The following CMC2 variants were observed in gnomAD, a reference collection of about 807,000 sequenced individuals.
CMC2 encodes C-X9-C motif containing 2.
A neutral mutation model predicts 7.5 loss-of-function variants in CMC2; 5 were observed. The observed-to-expected ratio is 0.66, with a 90% CI of 0.35 to 1.40. CMC2 has a LOEUF of 1.40. CMC2 is among the 40% of genes most tolerant of loss of function. CMC2 has a pLI of 0.04. For missense variants in CMC2, 115 were observed against 92.3 expected (o/e 1.25, Z -1.01); for synonymous variants, 37 against 31.4 (o/e 1.18, Z -0.60).
At chr16:80,980,917 T>C (rs1299168490) in intron 3 of CMC2, 2 of 687,090 alleles carry the variant, frequency 2.9e-6, no homozygotes, top group African/African-American at 3.5e-5. Flanking sequence ...AAACAAACTA[T>C]TACTCTTCAC....
At chr16:80,978,783 C>T (rs1053215037) in intron 3 of CMC2, among the ~76,000 whole-genome samples, 11 of 151,978 alleles carry the variant, frequency 7.2e-5, no homozygotes, top group Admixed American at 2.0e-4. Flanking sequence ...CCTTTTTCTA[C>T]TTAAAAGCTT....
At chr16:80,978,410 T>C (rs940960223) in intron 3 of CMC2, 7 of 1,258,884 alleles carry the variant, frequency 5.6e-6, no homozygotes, top group Non-Finnish European at 7.3e-6. Flanking sequence ...GAAGTCCAGA[T>C]GGTCCCTGAA....
chr16:81,005,149 C>G (rs954629593), intron 1 of CMC2, among the ~76,000 whole-genome samples: 8 of 152,358 alleles, frequency 5.3e-5, no homozygotes, highest in African/African-American at 1.9e-4. Flanking sequence ...TCTTTTTAGG[C>G]TAGGCGCGGT....
chr16:80,997,256 T>A, intron 2 of CMC2, 58 bp downstream of exon 2: 1 of 927,600 alleles, frequency 1.1e-6, no homozygotes. Context: ...ACATTTTACA[T>A]CAGTGGGTTA....
intron 3 of CMC2, chr16:80,980,918 T>G (rs58231940): frequency 0.014 from 9,738 of 685,248 alleles, 473 homozygotes; most frequent in African/African-American, 0.12. Flanking sequence ...AACAAACTAT[T>G]ACTCTTCACT....
At chr16:80,993,279 G>A (rs1394471600) in intron 2 of CMC2, among the ~76,000 whole-genome samples, 1 of 152,148 alleles carries the variant, frequency 6.6e-6, no homozygotes, top group Non-Finnish European at 1.5e-5. Flanking sequence ...ACAAAACAAA[G>A]TGAACCCTAC....
rs1440061917 is a variant in CMC2 at position 80,973,137 on chromosome 16, G to C, written c.*2956C>G. On this transcript the variant is annotated 3_prime_UTR_variant, in exon 4 of 4. Transcript: ENST00000219400. ...TGATGAGATGTAAAGCATGGAATAA[G>C]ATGCAGCCACCCCTGGGACTGGCTT... is the stretch of plus-strand genomic sequence containing the variant. 6.6e-6 allele frequency: 1 copy of C among 152,334 alleles called. No homozygotes were observed. Among genetic ancestry groups the C allele is most frequent in the African/African-American group, 2.4e-5 (1 of 41,476 alleles). 9.4% of individuals were successfully genotyped at this position (152,334 alleles called of 1,614,324 possible).
intron 3 of CMC2, among the ~76,000 whole-genome samples, chr16:80,977,617 T>C (rs1360081813): frequency 2.0e-5 from 3 of 152,218 alleles, no homozygotes; most frequent in Non-Finnish European, 4.4e-5. Flanking sequence ...AGGGGATTCA[T>C]GACTTTGAGT....
chr16:80,990,843 G>C (rs768327755), intron 2 of CMC2, among the ~76,000 whole-genome samples: 3 of 151,942 alleles, frequency 2.0e-5, no homozygotes, highest in Non-Finnish European at 4.4e-5. Context: ...CTCAACCTCA[G>C]CCTCCTGAGG....
intron 1 of CMC2, among the ~76,000 whole-genome samples, chr16:81,005,077 A>T (rs1213820593): frequency 1.3e-5 from 2 of 152,264 alleles, no homozygotes; most frequent in Non-Finnish European, 2.9e-5. Context: ...TCTGTTGTGC[A>T]GAGTCTGAAG....
intron 3 of CMC2, among the ~76,000 whole-genome samples, chr16:80,979,040 C>T (rs1966894693): frequency 6.6e-6 from 1 of 151,470 alleles, no homozygotes; most frequent in East Asian, 1.9e-4. Context: ...GAGATTGCGC[C>T]ACTGCACTCC....
Position 80,997,297 on chromosome 16 carries a change from T to G in CMC2, c.81+17A>C, listed in dbSNP as rs561463058. The G allele has an allele frequency of 1.6e-5, 22 of 1,393,416 alleles. No homozygotes were observed. In the Admixed American group the frequency reaches 2.0e-4, roughly 13 times the overall value. 86.3% of individuals were successfully genotyped at this position (1,393,416 alleles called of 1,614,324 possible). A position where few individuals can be genotyped will look rare whatever the true frequency, so the allele number is the denominator to read the frequency against. ...AAGTTTCATTTTGGCTGTACAGTCG[T>G]TTTTCTGAACTCTTACATTTTTGTG... On this transcript the variant is annotated intron_variant, in intron 2 of 3. Coordinates refer to ENST00000219400, the MANE Select transcript of CMC2 (RefSeq NM_020188.5).
intron 3 of CMC2, among the ~76,000 whole-genome samples, chr16:80,980,006 A>C (rs1277803812): frequency 6.2e-5 from 9 of 145,838 alleles, no homozygotes; most frequent in Admixed American, 6.1e-4. Flanking sequence ...GCAGCCATGA[A>C]CTCCTGGGCT....
At chr16:81,005,615 A>T (rs1379777182) in intron 1 of CMC2, among the ~76,000 whole-genome samples, 3 of 152,086 alleles carry the variant, frequency 2.0e-5, no homozygotes, top group Non-Finnish European at 1.5e-5. Flanking sequence ...CGATACCACT[A>T]AGAAAGCGAC....
intron 1 of CMC2, 25 bp downstream of exon 1, chr16:81,006,709 A>G: frequency 3.0e-6 from 3 of 985,420 alleles, no homozygotes; most frequent in Non-Finnish European, 3.6e-6. Flanking sequence ...ACGCGTTCGG[A>G]ACGGCCTGGA....
rs906790235 is a variant in CMC2, at chr16:80,980,822, G to C, written c.153+984C>G. 1.9e-5 allele frequency: 13 copies of C among 699,936 alleles called. No individual in the cohort carries two copies. The Admixed American group carries it at 2.6e-4, about 14-fold the overall frequency. The allele number at this position is 699,936 out of a possible 1,614,324, so 43.4% of individuals were successfully genotyped here. ...AGGTGGGAGGATCACTTGAGTTTGA[G>C]GCTTCCGTGAGTTACGATCACCCTA... On this transcript the variant is annotated intron_variant, in intron 3 of 3. Transcript: ENST00000219400.
Position 80,975,716 on chromosome 16 carries a change from T to G in CMC2, c.*377A>C, listed in dbSNP as rs1912241771. 6.3e-6 allele frequency: 1 copy of G among 159,128 alleles called. No homozygotes were observed. Among genetic ancestry groups the G allele is most frequent in the Non-Finnish European group, 1.4e-5 (1 of 72,568 alleles). 9.9% of individuals were successfully genotyped at this position (159,128 alleles called of 1,614,324 possible). On this transcript the variant is annotated 3_prime_UTR_variant, in exon 4 of 4. Transcript: ENST00000219400. ...CACTGCTGGGATTTCCCCAGAATTC[T>G]TCAACATCATGTTGTCAAAAAGAAA...
At chr16:80,991,640 CA>C (rs35116527) in intron 2 of CMC2, 17,763 of 175,810 alleles carry the variant, frequency 0.1, 351 homozygotes, top group East Asian at 0.21. Context: ...ACCCTGTCTC[CA>C]AAAAAAAAAA....
intron 2 of CMC2, among the ~76,000 whole-genome samples, chr16:80,986,243 G>T (rs776877024): frequency 6.6e-6 from 1 of 152,098 alleles, no homozygotes; most frequent in Admixed American, 6.5e-5. Context: ...CCAGCTACTC[G>T]TGAGGCTGAG....
Sources: allele counts gnomAD v4.1 joint callset (sites outside exome capture counted in the v4.1 genomes callset), GRCh38; gene constraint gnomAD v4.1.1; transcripts MANE v1.5; gene names NCBI Gene and HGNC (gene_info 2026-07-23, HGNC 2026-07-21).